Variants in EMC7 observed in about 807,000 individuals in gnomAD.
The protein encoded by EMC7 is endoplasmic reticulum membrane protein complex subunit 7.
EMC7 carries 4 observed loss-of-function variants against 24.4 expected under a neutral mutation model. The ratio of observed to expected loss-of-function variants is 0.16; its 90% CI spans 0.08 to 0.38. The LOEUF (loss-of-function observed/expected upper bound fraction) is 0.38. EMC7 is among the 10% of genes least tolerant of loss of function. EMC7 has a pLI of 1.00. For missense variants in EMC7, 221 were observed against 300.6 expected (o/e 0.74, Z 1.96); for synonymous variants, 106 against 112.0 (o/e 0.95, Z 0.34).
At chr15:34,098,457 C>CT (rs560201784) in intron 1 of EMC7, among the ~76,000 whole-genome samples, 58,612 of 132,246 alleles carry the variant, frequency 0.44, 14,043 homozygotes, top group African/African-American at 0.61. Context: ...TTCTTTCTTT[C>CT]TTTTTTTTTT....
chr15:34,098,631 T>C (rs1901121903), intron 1 of EMC7, among the ~76,000 whole-genome samples: 1 of 150,528 alleles, frequency 6.6e-6, no homozygotes, highest in Admixed American at 6.6e-5. Flanking sequence ...GATTTTTTTT[T>C]TTTTTTTTTG....
chr15:34,091,691 ATCTAAT>A (rs1900976041), intron 2 of EMC7, among the ~76,000 whole-genome samples: 1 of 152,130 alleles, frequency 6.6e-6, no homozygotes, highest in Admixed American at 6.5e-5. Flanking sequence ...CAAATTTTAG[ATCTAAT>A]TCTGACTCCA....
chr15:34,097,828 G>A (rs1273202848), intron 1 of EMC7, among the ~76,000 whole-genome samples: 1 of 152,066 alleles, frequency 6.6e-6, no homozygotes, highest in Non-Finnish European at 1.5e-5. Context: ...AATTAGCTGG[G>A]TGTGGTGGCA....
chr15:34,091,521 A>C (rs1900973405), intron 2 of EMC7, among the ~76,000 whole-genome samples: 1 of 152,238 alleles, frequency 6.6e-6, no homozygotes, highest in Non-Finnish European at 1.5e-5. Context: ...TTCCTGGATT[A>C]TGCAGAAAGT....
chr15:34,089,571 A>C (rs1007346350), intron 3 of EMC7, among the ~76,000 whole-genome samples: 1 of 152,184 alleles, frequency 6.6e-6, no homozygotes, highest in African/African-American at 2.4e-5. Flanking sequence ...TCTTCACTAC[A>C]CATGTTAAAA....
intron 1 of EMC7, among the ~76,000 whole-genome samples, chr15:34,098,509 G>A (rs1021116354): frequency 5.5e-5 from 8 of 144,962 alleles, no homozygotes; most frequent in African/African-American, 2.1e-4. Context: ...AGGATGGAGT[G>A]CAGTGAGGTG....
At chr15:34,089,619 G>A (rs966169003) in intron 3 of EMC7, among the ~76,000 whole-genome samples, 1 of 152,182 alleles carries the variant, frequency 6.6e-6, no homozygotes, top group African/African-American at 2.4e-5. Context: ...ATCAATAGGG[G>A]CTGGTTAATA....
intron 1 of EMC7, chr15:34,100,829 G>C (rs564901514): frequency 6.6e-6 from 1 of 151,776 alleles, no homozygotes; most frequent in Non-Finnish European, 1.5e-5. Flanking sequence ...CAACATACGC[G>C]TGCCTAGACA....
chr15:34,095,480 T>C (rs910606327), intron 2 of EMC7, among the ~76,000 whole-genome samples: 2 of 152,196 alleles, frequency 1.3e-5, no homozygotes, highest in Admixed American at 1.3e-4. Context: ...CCACAGAAAT[T>C]TCCAGATCAA....
chr15:34,088,587 T>G (rs889148961), intron 3 of EMC7, among the ~76,000 whole-genome samples: 5 of 152,104 alleles, frequency 3.3e-5, no homozygotes, highest in African/African-American at 4.8e-5. Flanking sequence ...CAGACCAGTT[T>G]TGAAAAATGA....
At chr15:34,091,041 C>T (rs1198708314) in intron 2 of EMC7, among the ~76,000 whole-genome samples, 1 of 152,168 alleles carries the variant, frequency 6.6e-6, no homozygotes, top group African/African-American at 2.4e-5. Context: ...AAAACTGCCT[C>T]TCCTATTTCA....
chr15:34,096,155 G>A (rs1412472082), intron 1 of EMC7, 141 bp from the exon 2 acceptor site: 5 of 959,058 alleles, frequency 5.2e-6, no homozygotes, highest in Admixed American at 2.7e-5. Flanking sequence ...GGCGAAAGTT[G>A]TCCTATGCTT....
intron 4 of EMC7, among the ~76,000 whole-genome samples, chr15:34,086,939 T>C (rs1900899081): frequency 1.3e-5 from 2 of 152,244 alleles, no homozygotes; most frequent in South Asian, 4.1e-4. Context: ...GCTTTGAATA[T>C]ACCCCTTATT....
intron 3 of EMC7, among the ~76,000 whole-genome samples, chr15:34,088,468 C>CTTTTTTTTTTTTTTTT (rs11423386): frequency 7.0e-6 from 1 of 142,066 alleles, no homozygotes; most frequent in Non-Finnish European, 1.5e-5. Context: ...TATCTATTCC[C>CTTTTTTTTTTTTTTTT]TTTTTTTTTT....
intron 1 of EMC7, 30 bp downstream of exon 1, chr15:34,101,574 C>G (rs1901173906): frequency 1.2e-6 from 2 of 1,609,252 alleles, no homozygotes; most frequent in Non-Finnish European, 1.7e-6. Flanking sequence ...TCCATCCCAG[C>G]CTTTTTCCCG....
chr15:34,093,823 A>ATATATATATATATTTTTT (rs1190830993), intron 2 of EMC7, among the ~76,000 whole-genome samples: 1 of 48,714 alleles, frequency 2.1e-5, no homozygotes. Flanking sequence ...ATATATATAT[A>ATATATATATATATTTTTT]TTTTTTTTTT....
chr15:34,097,231 C>T (rs1226375009), intron 1 of EMC7, among the ~76,000 whole-genome samples: 2 of 151,986 alleles, frequency 1.3e-5, no homozygotes, highest in Non-Finnish European at 2.9e-5. Flanking sequence ...GACGGGGTTT[C>T]ACCGTGTTAG....
intron 4 of EMC7, among the ~76,000 whole-genome samples, chr15:34,087,238 A>C (rs1900903170): frequency 6.6e-6 from 1 of 152,222 alleles, no homozygotes; most frequent in African/African-American, 2.4e-5. Context: ...CCACATCTAT[A>C]TACTAAATAA....
chr15:34,096,890 G>A (rs12917048), intron 1 of EMC7, among the ~76,000 whole-genome samples: 149,736 of 151,430 alleles, frequency 0.99, 74,055 homozygotes, highest in Middle Eastern at 1. Flanking sequence ...GGGAGACTGA[G>A]ATAGGAGAAT....
Sources: gnomAD v4.1 joint callset for allele counts (sites outside exome capture counted in the v4.1 genomes callset) on GRCh38, gnomAD v4.1.1 for gene constraint, MANE v1.5 for transcripts, NCBI Gene and HGNC (gene_info 2026-07-23, HGNC 2026-07-21) for gene names.